LRCH2: variants seen among roughly 807,000 people sequenced by gnomAD.
LRCH2 encodes the protein leucine-rich repeat and calponin homology domain-containing protein 2.
LRCH2 carries 38 observed loss-of-function variants against 68.9 expected under a neutral mutation model. That is an observed-to-expected ratio of 0.55 (90% CI 0.43 to 0.72). The LOEUF is 0.72. Among genes scored for constraint, LRCH2 ranks in the 30% least tolerant of loss-of-function variants. The probability of loss-of-function intolerance (pLI) is 0.00; values close to 1 mark genes in which losing one functional copy is unlikely to be tolerated. For missense variants in LRCH2, 528 were observed against 572.9 expected, an observed-to-expected ratio of 0.92 and a Z score of 0.80; for synonymous variants, 191 against 208.1, an observed-to-expected ratio of 0.92 and a Z score of 0.71.
In LRCH2 at chrX:115,113,145, T is replaced by A. The variant is rs1280181320; in HGVS notation, c.*71A>T. 1.0e-5 allele frequency: 10 copies of A among 978,514 alleles called. No individual in the cohort carries two copies. In the Admixed American group the frequency reaches 3.4e-4, roughly 33 times the overall value. The allele number at this position is 978,514 out of a possible 1,213,427, so 80.6% of individuals were successfully genotyped here. A position where few individuals can be genotyped will look rare whatever the true frequency, so the allele number is the denominator to read the frequency against. On this transcript the variant is annotated 3_prime_UTR_variant, in exon 21 of 21. Coordinates refer to ENST00000317135, the MANE Select transcript of LRCH2 (RefSeq NM_020871.4). ...ACTATTTTTGACGGAATATTCTTATTCATGAATTTGAAATATTTGAAATCA... is the reference window on the plus strand; with the variant it reads ...ACTATTTTTGACGGAATATTCTTATACATGAATTTGAAATATTTGAAATCA...
chrX:115,118,193 T>A (rs945830224), intron 20 of LRCH2, among the ~76,000 whole-genome samples: 1 of 109,767 alleles, frequency 9.1e-6, no homozygotes, highest in South Asian at 3.9e-4. Flanking sequence ...AAAAAAGGGT[T>A]TTTTTTAACC....
intron 1 of LRCH2, chrX:115,190,609 G>C (rs1274032083): frequency 1.7e-6 from 2 of 1,158,655 alleles, no homozygotes; most frequent in Admixed American, 5.2e-5. Flanking sequence ...AGGCTGCTAC[G>C]AGGAGTACAG....
intron 12 of LRCH2, among the ~76,000 whole-genome samples, chrX:115,153,323 A>T (rs2072447778): frequency 9.6e-6 from 1 of 104,377 alleles, no homozygotes; most frequent in Non-Finnish European, 2.0e-5. Flanking sequence ...GATCCTGTTT[A>T]AAAAAAAAAA....
intron 16 of LRCH2, among the ~76,000 whole-genome samples, chrX:115,125,462 T>C (rs12007600): frequency 0.46 from 498 of 1,076 alleles, 40 homozygotes; most frequent in East Asian, 0.6. Flanking sequence ...TATATATATA[T>C]ATATATATAT....
chrX:115,111,645 T>C lies in LRCH2; in HGVS notation c.*1571A>G, dbSNP rs1426608578. ...ATTTAATTCTTAAACCATATACTCA[T>C]AGAAGCTTTAATTCTTTAAAAGCTC... On this transcript the variant is annotated 3_prime_UTR_variant, in exon 21 of 21. Coordinates refer to ENST00000317135, the MANE Select transcript of LRCH2 (RefSeq NM_020871.4). The C allele has an allele frequency of 1.8e-5, 2 of 111,503 alleles. No homozygotes were observed. Among genetic ancestry groups the C allele is most frequent in the Non-Finnish European group, 3.8e-5 (2 of 52,923 alleles). The allele number at this position is 111,503 out of a possible 1,213,427, so 9.2% of individuals were successfully genotyped here.
chrX:115,211,247 G>A (rs1416362805), intron 1 of LRCH2, among the ~76,000 whole-genome samples: 1 of 111,422 alleles, frequency 9.0e-6, no homozygotes, highest in Non-Finnish European at 1.9e-5. Context: ...GGGAACTGGT[G>A]GGAAATAATT....
intron 20 of LRCH2, among the ~76,000 whole-genome samples, chrX:115,117,388 C>A (rs782518684): frequency 9.0e-6 from 1 of 111,674 alleles, no homozygotes; most frequent in Admixed American, 9.5e-5. Context: ...TATGTAGTTT[C>A]TTAAAATGTT....
intron 14 of LRCH2, 148 bp from the exon 15 acceptor site, chrX:115,130,347 C>G: frequency 3.0e-6 from 1 of 335,404 alleles, no homozygotes; most frequent in East Asian, 4.9e-5. Context: ...GTAAATAGTC[C>G]TACTACTAAT....
intron 20 of LRCH2, 58 bp downstream of exon 20, chrX:115,122,469 G>C: frequency 1.0e-6 from 1 of 990,200 alleles, no homozygotes; most frequent in East Asian, 3.1e-5. Context: ...AAGAACCCCA[G>C]TTTGCATGTA....
At chrX:115,225,443 C>T (rs1289543685) in intron 1 of LRCH2, among the ~76,000 whole-genome samples, 1 of 111,387 alleles carries the variant, frequency 9.0e-6, no homozygotes, top group Non-Finnish European at 1.9e-5. Flanking sequence ...TGGAACTCCA[C>T]CTCGTGCTAT....
intron 1 of LRCH2, among the ~76,000 whole-genome samples, chrX:115,203,390 A>G (rs2072943090): frequency 8.9e-6 from 1 of 112,037 alleles, no homozygotes; most frequent in Admixed American, 9.4e-5. Flanking sequence ...ACTGCAACAC[A>G]TTTGCAAAAT....
chrX:115,118,335 C>G (rs1484474987), intron 20 of LRCH2, among the ~76,000 whole-genome samples: 1 of 110,232 alleles, frequency 9.1e-6, no homozygotes, highest in Non-Finnish European at 1.9e-5. Context: ...ATAAAGGGGA[C>G]ATCACCACTG....
chrX:115,194,730 A>G (rs1358474520), intron 1 of LRCH2, among the ~76,000 whole-genome samples: 2 of 112,065 alleles, frequency 1.8e-5, no homozygotes, highest in South Asian at 7.4e-4. Flanking sequence ...ATGAGAGGAA[A>G]GAATCAAGAA....
At chrX:115,185,699 C>T (rs2072726462) in intron 2 of LRCH2, among the ~76,000 whole-genome samples, 1 of 111,361 alleles carries the variant, frequency 9.0e-6, no homozygotes, top group Non-Finnish European at 1.9e-5. Context: ...TTTAATAACA[C>T]GGCACAAACA....
chrX:115,163,644 G>T (rs1569514104), intron 11 of LRCH2, 32 bp downstream of exon 11: 1 of 979,078 alleles, frequency 1.0e-6, no homozygotes, highest in East Asian at 3.3e-5. Context: ...TATAAAATTT[G>T]CCAATTCAAA....
rs370960295 is a variant in LRCH2, at chrX:115,148,027, G to A, written c.1695+1800C>T. Among the ~76,000 whole-genome samples the A allele has an allele frequency of 3.6e-5, 4 of 110,790 alleles. No individual in the cohort carries two copies. In the East Asian group the frequency reaches 1.1e-3, roughly 31 times the overall value. ...TGAGGCTGCTGTGTGCTATGATCAC[G>A]CTATTGCACTGCAGTCTGGGCAATA... On this transcript the variant is annotated intron_variant, in intron 14 of 20. Coordinates refer to ENST00000317135, the MANE Select transcript of LRCH2 (RefSeq NM_020871.4).
intron 1 of LRCH2, among the ~76,000 whole-genome samples, chrX:115,218,205 C>CA (rs35928364): frequency 8.2e-5 from 9 of 109,863 alleles, no homozygotes; most frequent in African/African-American, 1.7e-4. Context: ...TTTTTTAAAC[C>CA]AAAAAAAACC....
intron 1 of LRCH2, among the ~76,000 whole-genome samples, chrX:115,226,321 GTATGTATTACTT>G (rs1475683855): frequency 1.8e-5 from 2 of 111,664 alleles, no homozygotes; most frequent in Admixed American, 1.9e-4. Context: ...AAAACATAGT[GTATGTATTACTT>G]TTTTTAATGT....
At chrX:115,217,519 G>A (rs1011042855) in intron 1 of LRCH2, among the ~76,000 whole-genome samples, 8 of 111,327 alleles carry the variant, frequency 7.2e-5, no homozygotes, top group South Asian at 3.8e-4. Flanking sequence ...GAGAATGATG[G>A]TTTCCAGCTT....
Sources: allele counts gnomAD v4.1 joint callset (sites outside exome capture counted in the v4.1 genomes callset), GRCh38; gene constraint gnomAD v4.1.1; transcripts MANE v1.5; gene names NCBI Gene and HGNC (gene_info 2026-07-23, HGNC 2026-07-21).